The following DLEC1 variants were observed in gnomAD, a reference collection of about 807,000 sequenced individuals.
DLEC1 encodes DLEC1 cilia and flagella associated protein.
Under a neutral mutation model 198.1 loss-of-function variants are expected in DLEC1, and 146 were observed. The observed-to-expected ratio is 0.74, with a 90% CI of 0.64 to 0.85. The LOEUF is 0.85. DLEC1 is among the 40% of genes least tolerant of loss of function. The pLI is 0.00. For missense variants in DLEC1, 2,233 were observed against 2,220.0 expected (o/e 1.01, Z -0.12); for synonymous variants, 897 against 866.8 (o/e 1.03, Z -0.61).
intron 14 of DLEC1, among the ~76,000 whole-genome samples, chr3:38,096,182 C>T (rs1699007793): frequency 6.6e-6 from 1 of 152,184 alleles, no homozygotes; most frequent in Admixed American, 6.5e-5. Context: ...AGCTGTGCCC[C>T]AGGCCCATTG....
At chr3:38,073,184 AG>A (rs2125638264) in intron 6 of DLEC1, among the ~76,000 whole-genome samples, 1 of 152,356 alleles carries the variant, frequency 6.6e-6, no homozygotes, top group Non-Finnish European at 1.5e-5. Context: ...TTGTGGAGGA[AG>A]GTATTGAGGA....
At chr3:38,053,398 C>T (rs149143510) in intron 2 of DLEC1, among the ~76,000 whole-genome samples, 47,517 of 150,108 alleles carry the variant, frequency 0.32, 7,776 homozygotes, top group East Asian at 0.56. Flanking sequence ...GCCTCTGCCC[C>T]GCCGCTCCGT....
intron 2 of DLEC1, among the ~76,000 whole-genome samples, chr3:38,053,817 A>G (rs981987380): frequency 1.3e-5 from 2 of 152,224 alleles, no homozygotes; most frequent in Admixed American, 6.5e-5. Flanking sequence ...AGAAAGAAGT[A>G]GACATAGGAG....
chr3:38,046,025 GCAATGGGAATACATGTGCCAT>G (rs1700871785), intron 2 of DLEC1, among the ~76,000 whole-genome samples: 1 of 152,194 alleles, frequency 6.6e-6, no homozygotes, highest in Non-Finnish European at 1.5e-5. Context: ...GATGGACACT[GCAATGGGAATACATGTGCCAT>G]TGTAAACTGT....
intron 1 of DLEC1, 50 bp from the exon 2 acceptor site, chr3:38,045,493 T>A: frequency 5.0e-6 from 8 of 1,584,630 alleles, no homozygotes; most frequent in Non-Finnish European, 6.9e-6. Context: ...AGCTAAGTAA[T>A]GGTAAGTAAT....
Position 38,122,680 on chromosome 3 carries a change from A to C in DLEC1, c.*268A>C, listed in dbSNP as rs1700553635. 7.0e-7 allele frequency: 1 copy of C among 1,420,958 alleles called. No homozygotes were observed. Among genetic ancestry groups the C allele is most frequent in the South Asian group, 1.5e-5 (1 of 68,216 alleles). 88.0% of individuals were successfully genotyped at this position (1,420,958 alleles called of 1,614,324 possible). A position where few individuals can be genotyped will look rare whatever the true frequency, so the allele number is the denominator to read the frequency against. On this transcript the variant is annotated 3_prime_UTR_variant, in exon 37 of 37. Transcript: ENST00000308059. ...GTGCATAGCGAAGACCAGTATGGCA[A>C]AATTAGTCTTGGAAAAAAACCACAG...
At chr3:38,076,947 G>A (rs1390065433) in intron 6 of DLEC1, among the ~76,000 whole-genome samples, 1 of 152,114 alleles carries the variant, frequency 6.6e-6, no homozygotes, top group African/African-American at 2.4e-5. Context: ...TTGTGGGGTT[G>A]TTAGAAGAAA....
Position 38,062,261 on chromosome 3 carries a change from T to C in DLEC1, c.766T>C (p.Cys256Arg), listed in dbSNP as rs762600849. 6.2e-7 allele frequency: 1 copy of C among 1,614,218 alleles called. No individual in the cohort carries two copies. Among genetic ancestry groups the C allele is most frequent in the African/African-American group, 1.3e-5 (1 of 75,058 alleles). The change falls in exon 4 of 37, where the codon TGC becomes CGC. Residue 256 changes from cysteine to arginine, a missense_variant. Cys to Arg is a radical substitution (Grantham distance 180). Coordinates refer to ENST00000308059, the MANE Select transcript of DLEC1 (RefSeq NM_007335.4). ...KELNKKLEDS[C>R]RKKLAEFEDE... ...GCTGAACAAGAAGCTTGAAGATTCA[T>C]GCAGGAAGAAGCTTGCTGAGTTCGA...
chr3:38,048,730 G>A (rs1247222321), intron 2 of DLEC1, among the ~76,000 whole-genome samples: 1 of 152,160 alleles, frequency 6.6e-6, no homozygotes, highest in Non-Finnish European at 1.5e-5. Flanking sequence ...GGTGTCTCAG[G>A]AGTGTTGATG....
At chr3:38,071,085 A>C (rs912442617) in intron 6 of DLEC1, among the ~76,000 whole-genome samples, 2 of 152,170 alleles carry the variant, frequency 1.3e-5, no homozygotes, top group African/African-American at 4.8e-5. Context: ...GTGGGAACCT[A>C]GAGTGGGAGA....
At chr3:38,121,920 G>C in intron 35 of DLEC1, 139 bp downstream of exon 35, 1 of 1,508,018 alleles carries the variant, frequency 6.6e-7, no homozygotes, top group East Asian at 2.3e-5. Context: ...CTGCAGAGCA[G>C]CCAGTCCCCC....
At position 38,097,627 on chromosome 3, in the gene DLEC1, C is replaced by T. The variant is rs745674638; in HGVS notation, c.2555C>T (p.Ala852Val). 1.9e-6 allele frequency: 3 copies of T among 1,614,082 alleles called. No individual in the cohort carries two copies. The highest frequency in any genetic ancestry group is 2.5e-6 in the Non-Finnish European group (3 of 1,180,042). ...TCGCCAGTGGTGTTACACATTGAGG[C>T]TGTCTTTAAGGTGCTGCAGGTGGAG... ...SPSPVVLHIE[A>V]VFKGPALIIN... The change falls in exon 17 of 37, where the codon GCT becomes GTT. Residue 852 changes from alanine (A) to valine (V), a missense_variant. By Grantham distance (64) the Ala-to-Val change is moderately conservative. Coordinates refer to ENST00000308059, the MANE Select transcript of DLEC1 (RefSeq NM_007335.4).
intron 1 of DLEC1, 31 bp downstream of exon 1, chr3:38,039,667 C>A (rs897109136): frequency 1.9e-6 from 3 of 1,573,972 alleles, no homozygotes; most frequent in Admixed American, 1.8e-5. Flanking sequence ...CGTCTGCGGA[C>A]GGTGCCGGGG....
At chr3:38,084,119 G>A (rs767506017) in intron 6 of DLEC1, 39 bp from the exon 7 acceptor site, 3 of 1,581,096 alleles carry the variant, frequency 1.9e-6, no homozygotes, top group African/African-American at 2.7e-5. Context: ...TCGTCTATAA[G>A]TGTTGCTGTC....
Position 38,120,316 on chromosome 3 carries a change from C to T in DLEC1, c.4705-132C>T, listed in dbSNP as rs555428241. The T allele has an allele frequency of 9.8e-5, 95 of 972,458 alleles. No individual in the cohort carries two copies. In the African/African-American group the frequency reaches 1.4e-3, roughly 14 times the overall value. The allele number at this position is 972,458 out of a possible 1,614,324, so 60.2% of individuals were successfully genotyped here. A position where few individuals can be genotyped will look rare whatever the true frequency, so the allele number is the denominator to read the frequency against. Reference sequence around the variant, plus strand: ...GGCAGCGCTTGTGGAATGAAAGCACCAGGTTGGGGAGCTGCTGGGCTGTTG... The same window carrying T: ...GGCAGCGCTTGTGGAATGAAAGCACTAGGTTGGGGAGCTGCTGGGCTGTTG... On this transcript the variant is annotated intron_variant, in intron 33 of 36. Transcript: ENST00000308059.
chr3:38,116,425 C>T (rs758419982), intron 27 of DLEC1, 28 bp from the exon 28 acceptor site: 2 of 1,613,210 alleles, frequency 1.2e-6, no homozygotes, highest in Non-Finnish European at 8.5e-7. Context: ...TCCCTTATTC[C>T]TCACCCTGCT....
At chr3:38,093,285 G>A (rs936056256) in intron 11 of DLEC1, among the ~76,000 whole-genome samples, 2 of 151,744 alleles carry the variant, frequency 1.3e-5, no homozygotes, top group African/African-American at 2.4e-5. Flanking sequence ...GCCCCTGGCC[G>A]CCCCTCCCTC....
intron 23 of DLEC1, 136 bp downstream of exon 23, chr3:38,110,417 G>A: frequency 9.0e-7 from 1 of 1,108,072 alleles, no homozygotes; most frequent in Admixed American, 2.2e-5. Flanking sequence ...AGGTAGACAT[G>A]GGGACAGGCA....
Position 38,087,542 on chromosome 3 carries a change from A to G in DLEC1, c.1573-754A>G, listed in dbSNP as rs1304366095. On this transcript the variant is annotated intron_variant, in intron 9 of 36. Transcript: ENST00000308059. ...CCATCCATCAGCACTGACACCATCC[A>G]TCAGCATGCTCACACCATCCATCAG... Among the ~76,000 whole-genome samples, 7 of 121,772 alleles carry G rather than the reference A, an allele frequency of 5.7e-5. No individual in the cohort carries two copies. In the East Asian group the frequency reaches 1.6e-3, roughly 29 times the overall value. The allele number at this position is 121,772 out of a possible 152,430, so 79.9% of individuals were successfully genotyped here. A position where few individuals can be genotyped will look rare whatever the true frequency, so the allele number is the denominator to read the frequency against.
Sources: allele counts gnomAD v4.1 joint callset (sites outside exome capture counted in the v4.1 genomes callset), GRCh38; gene constraint gnomAD v4.1.1; transcripts MANE v1.5; gene names NCBI Gene and HGNC (gene_info 2026-07-23, HGNC 2026-07-21).